Variants in MYO18B observed in about 807,000 individuals in gnomAD.
The protein encoded by MYO18B is myosin XVIIIB, also known as unconventional myosin-XVIIIb.
In MYO18B, 204 loss-of-function variants were observed where a neutral mutation model predicts 273.0. The observed-to-expected ratio is 0.75, with a 90% CI of 0.67 to 0.84. MYO18B has a LOEUF of 0.84. MYO18B is among the 40% of genes least tolerant of loss of function. The probability of loss-of-function intolerance (pLI) is 0.00; values close to 1 mark genes in which losing one functional copy is unlikely to be tolerated. For missense variants in MYO18B, 3,212 were observed against 3,287.6 expected, an observed-to-expected ratio of 0.98 and a Z score of 0.56; for synonymous variants, 1,330 against 1,305.7, an observed-to-expected ratio of 1.02 and a Z score of -0.40.
At chr22:26,041,805 C>G in the MYO18B span, among the ~76,000 whole-genome samples, 5 of 152,204 alleles carry the variant, frequency 3.3e-5, no homozygotes, top group East Asian at 9.7e-4. Context: ...AAGGCAGCAC[C>G]AACAGGAAAG....
intron 22 of MYO18B, among the ~76,000 whole-genome samples, chr22:25,869,676 G>T (rs2090995241): frequency 6.6e-6 from 1 of 152,046 alleles, no homozygotes; most frequent in South Asian, 2.1e-4. Context: ...GCCCACCAGG[G>T]TGGCATTATT....
intron 39 of MYO18B, among the ~76,000 whole-genome samples, chr22:25,965,590 G>A (rs1293175944): frequency 1.3e-5 from 2 of 152,188 alleles, no homozygotes; most frequent in African/African-American, 4.8e-5. Context: ...GCAGAGTTGG[G>A]AAGCAATGCA....
At chr22:25,917,252 T>G (rs950146400) in intron 33 of MYO18B, among the ~76,000 whole-genome samples, 2 of 152,090 alleles carry the variant, frequency 1.3e-5, no homozygotes, top group Non-Finnish European at 2.9e-5. Context: ...TTAACTTTGG[T>G]TTTGAGTTCT....
chr22:26,036,232 C>T, the MYO18B span, among the ~76,000 whole-genome samples: 3 of 152,292 alleles, frequency 2.0e-5, no homozygotes, highest in African/African-American at 7.2e-5. Context: ...ACTCCCTGGA[C>T]CTGGTTGCTT....
chr22:25,842,870 C>A (rs1459615172), intron 17 of MYO18B, among the ~76,000 whole-genome samples: 1 of 152,072 alleles, frequency 6.6e-6, no homozygotes, highest in Non-Finnish European at 1.5e-5. Flanking sequence ...TGATGCTGGG[C>A]ACTGGGGATG....
chr22:25,751,031 A>G (rs570977940), intron 1 of MYO18B, among the ~76,000 whole-genome samples: 90 of 152,246 alleles, frequency 5.9e-4, no homozygotes, highest in Non-Finnish European at 8.7e-4. Flanking sequence ...GGCTGGGTGC[A>G]AGACACATCC....
intron 3 of MYO18B, among the ~76,000 whole-genome samples, chr22:25,766,872 C>A (rs993851874): frequency 6.6e-6 from 1 of 152,160 alleles, no homozygotes; most frequent in African/African-American, 2.4e-5. Flanking sequence ...TGGCTGGCAG[C>A]AAATTGAAGG....
chr22:25,954,132 G>T (rs2092822083), intron 38 of MYO18B, among the ~76,000 whole-genome samples: 1 of 152,176 alleles, frequency 6.6e-6, no homozygotes. Flanking sequence ...GGATCGATTG[G>T]TTCCCGGCTT....
intron 7 of MYO18B, among the ~76,000 whole-genome samples, chr22:25,776,067 CT>C (rs1033390969): frequency 7.2e-5 from 11 of 152,192 alleles, no homozygotes; most frequent in African/African-American, 2.7e-4. Context: ...AGTTCTACCC[CT>C]GGTAGCCACT....
In MYO18B at chr22:25,883,479, TG is replaced by T. The variant is rs1384112377; in HGVS notation, c.4314+5432del. The stretch of plus-strand genomic sequence containing the variant: ...AGGCTTGGCGTGGCCTTGGGGAGGC[TG>T]TATTTCTAACATGCTAGAGTGCTAA... On this transcript the variant is annotated intron_variant, in intron 25 of 43. Coordinates refer to ENST00000335473, the MANE Select transcript of MYO18B (RefSeq NM_032608.7). The surrounding 1 kb of genome is among the most constrained non-coding windows in gnomAD (Gnocchi z 7.6). 1 of 152,218 alleles carries T rather than the reference TG, an allele frequency of 6.6e-6. No homozygotes were observed. The highest frequency in any genetic ancestry group is 1.5e-5 in the Non-Finnish European group (1 of 68,036). 9.4% of individuals were successfully genotyped at this position (152,218 alleles called of 1,614,324 possible).
At chr22:25,946,598 T>C (rs1481724123) in intron 35 of MYO18B, among the ~76,000 whole-genome samples, 1 of 152,162 alleles carries the variant, frequency 6.6e-6, no homozygotes, top group Non-Finnish European at 1.5e-5. Context: ...ACATAATGGG[T>C]GCTCAGTGCT....
In MYO18B at chr22:25,909,992, G is replaced by A. The variant is rs190513041; in HGVS notation, c.5260-954G>A. On this transcript the variant is annotated intron_variant, in intron 32 of 43. Transcript: ENST00000335473. Reference sequence around the variant, plus strand: ...CTGATGGCATGAGGTGGAAATGGAGGATGGATAATATATACAAGAGAGGCT... The same window carrying A: ...CTGATGGCATGAGGTGGAAATGGAGAATGGATAATATATACAAGAGAGGCT... Among the ~76,000 whole-genome samples the A allele has an allele frequency of 1.2e-3, 181 of 152,264 alleles. 2 individuals are homozygous for A. Among genetic ancestry groups the A allele is most frequent in the Middle Eastern group, 3.4e-3 (1 of 294 alleles).
At position 25,868,376 on chromosome 22, in the gene MYO18B, G is replaced by T; in HGVS notation, c.3942G>T (p.Gly1314=). ...TGGAAAAGAAGGCGGTGGCTGTGGG[G>T]CACAGCCAAGTGAGTAGAGCTGCTT... ...LDLEKKAVAV[G]HSQVFLKAGV... The change falls in exon 22 of 44, where the codon GGG becomes GGT. Residue 1314 remains glycine, a synonymous_variant. Coordinates refer to ENST00000335473, the MANE Select transcript of MYO18B (RefSeq NM_032608.7). 6.3e-7 allele frequency: 1 copy of T among 1,597,252 alleles called. No individual in the cohort carries two copies. The highest frequency in any genetic ancestry group is 8.5e-7 in the Non-Finnish European group (1 of 1,171,726).
the MYO18B span, among the ~76,000 whole-genome samples, chr22:26,042,578 T>A: frequency 6.8e-4 from 104 of 152,340 alleles, no homozygotes; most frequent in African/African-American, 2.4e-3. Flanking sequence ...TACATAGCTA[T>A]GAGTGTTACA....
intron 12 of MYO18B, among the ~76,000 whole-genome samples, chr22:25,814,053 T>A (rs572670497): frequency 1.2e-4 from 18 of 152,258 alleles, no homozygotes; most frequent in East Asian, 1.9e-4. Flanking sequence ...AAATATTTTT[T>A]AAAAATACAT....
At chr22:26,016,833 G>C (rs1323066241) in intron 42 of MYO18B, among the ~76,000 whole-genome samples, 1 of 152,216 alleles carries the variant, frequency 6.6e-6, no homozygotes, top group African/African-American at 2.4e-5. Flanking sequence ...GCCAGGAGAG[G>C]CCCCAGCCCA....
the MYO18B span, among the ~76,000 whole-genome samples, chr22:26,058,809 A>G: frequency 6.6e-6 from 1 of 152,184 alleles, no homozygotes. Context: ...AGATGCAGAT[A>G]CTGTTTCTTG....
chr22:26,051,980 A>G, the MYO18B span, among the ~76,000 whole-genome samples: 137 of 152,364 alleles, frequency 9.0e-4, no homozygotes, highest in Non-Finnish European at 1.4e-3. Flanking sequence ...CCTCTTGATG[A>G]ACACTTGGAT....
At chr22:25,871,686 C>T (rs1227066192) in intron 22 of MYO18B, among the ~76,000 whole-genome samples, 5 of 152,156 alleles carry the variant, frequency 3.3e-5, no homozygotes, top group South Asian at 2.1e-4. Context: ...CAGCCTCTGG[C>T]GCCTTATCAA....
Sources: allele counts gnomAD v4.1 joint callset (sites outside exome capture counted in the v4.1 genomes callset), GRCh38; gene constraint gnomAD v4.1.1; non-coding constraint Gnocchi (gnomAD v3.1); transcripts MANE v1.5; gene names NCBI Gene and HGNC (gene_info 2026-07-23, HGNC 2026-07-21).